HOXD9: variants seen among roughly 807,000 people sequenced by gnomAD.
HOXD9 encodes homeobox protein Hox-D9.
HOXD9 carries 21 observed loss-of-function variants against 24.6 expected under a neutral mutation model. That is an observed-to-expected ratio of 0.85 (90% CI 0.61 to 1.23). HOXD9 has a LOEUF of 1.23. Among genes scored for constraint, HOXD9 ranks in the 50% most tolerant of loss-of-function variants. The pLI is 0.00. For synonymous variants in HOXD9, 240 were observed against 226.4 expected (o/e 1.06, Z -0.54); for missense variants, 503 against 503.6 (o/e 1.00, Z 0.01).
chr2:176,124,049 C>T lies in HOXD9; in HGVS notation c.933C>T (p.Thr311=). ...EKEFLFNMYL[T]RDRRYEVARI... ...AATTCCTCTTCAACATGTACCTCAC[C>T]CGGGACCGGCGCTACGAGGTGGCCA... Residue 311 remains threonine (T), a synonymous_variant, in exon 2 of 2, where the codon ACC becomes ACT. Transcript: ENST00000249499. The T allele has an allele frequency of 1.2e-6, 2 of 1,614,144 alleles. No homozygotes were observed. Among genetic ancestry groups the T allele is most frequent in the East Asian group, 2.2e-5 (1 of 44,876 alleles).
Position 176,124,122 on chromosome 2 carries a change from C to A in HOXD9, c.1006C>A (p.Arg336Ser). The change falls in exon 2 of 2, where the codon CGT becomes AGT. Residue 336 changes from arginine to serine, a missense_variant. Coordinates refer to ENST00000249499, the MANE Select transcript of HOXD9 (RefSeq NM_014213.4). ...ACAGGTCAAAATCTGGTTTCAGAAC[C>A]GTAGGATGAAAATGAAAAAGATGAG... Reference protein sequence around the residue: ...ERQVKIWFQNRRMKMKKMSKE... With the variant: ...ERQVKIWFQNSRMKMKKMSKE... The A allele has an allele frequency of 6.2e-7, 1 of 1,613,820 alleles. No individual in the cohort carries two copies. The highest frequency in any genetic ancestry group is 2.2e-5 in the East Asian group (1 of 44,866).
chr2:176,124,291 T>C lies in HOXD9; in HGVS notation c.*116T>C. On this transcript the variant is annotated 3_prime_UTR_variant, in exon 2 of 2. Coordinates refer to ENST00000249499, the MANE Select transcript of HOXD9 (RefSeq NM_014213.4). Reference sequence around the variant, plus strand: ...AAACTCTCCAGCGACTTGGACTTCTTCTTCTTTTTTTTTTTCTTTTTAGAT... The same window carrying C: ...AAACTCTCCAGCGACTTGGACTTCTCCTTCTTTTTTTTTTTCTTTTTAGAT... The C allele has an allele frequency of 7.2e-7, 1 of 1,383,270 alleles. No individual in the cohort carries two copies. The highest frequency in any genetic ancestry group is 9.6e-7 in the Non-Finnish European group (1 of 1,044,950). 85.7% of individuals were successfully genotyped at this position (1,383,270 alleles called of 1,614,324 possible).
rs1468163650 is a variant in HOXD9, at chr2:176,124,370, C to G, written c.*195C>G. ...GTATTTGGGGGACTCTGTATTTGCTCGTTTACGTGTTGGAAAAACCAAGTG... is the reference window on the plus strand; with the variant it reads ...GTATTTGGGGGACTCTGTATTTGCTGGTTTACGTGTTGGAAAAACCAAGTG... On this transcript the variant is annotated 3_prime_UTR_variant, in exon 2 of 2. Coordinates refer to ENST00000249499, the MANE Select transcript of HOXD9 (RefSeq NM_014213.4). 1 of 747,834 alleles carries G rather than the reference C, an allele frequency of 1.3e-6. No homozygotes were observed. Among genetic ancestry groups the G allele is most frequent in the South Asian group, 3.1e-5 (1 of 31,826 alleles). 46.3% of individuals were successfully genotyped at this position (747,834 alleles called of 1,614,324 possible).
At position 176,123,377 on chromosome 2, in the gene HOXD9, C is replaced by A; in HGVS notation, c.609C>A (p.Ser203Arg). The change falls in exon 1 of 2, where the codon AGC (serine) becomes AGA (arginine). Residue 203 changes from serine to arginine, a missense_variant. Transcript: ENST00000249499. The surrounding 1 kb of genome is among the most constrained non-coding windows in gnomAD (Gnocchi z 4.2). ...CSVARESQGS[S>R]GPEFSCNSFL... ...TGGCCCGGGAGTCCCAGGGGAGCAG[C>A]GGCCCCGAGTTCTCGTGCAACTCGT... 1 of 1,551,924 alleles carries A rather than the reference C, an allele frequency of 6.4e-7. No homozygotes were observed. Among genetic ancestry groups the A allele is most frequent in the Non-Finnish European group, 8.7e-7 (1 of 1,147,818 alleles).
chr2:176,124,124 T>C lies in HOXD9; in HGVS notation c.1008T>C (p.Arg336=). Residue 336 remains arginine, a synonymous_variant, in exon 2 of 2, where the codon CGT becomes CGC. Coordinates refer to ENST00000249499, the MANE Select transcript of HOXD9 (RefSeq NM_014213.4). ...AGGTCAAAATCTGGTTTCAGAACCG[T>C]AGGATGAAAATGAAAAAGATGAGCA... ...ERQVKIWFQN[R]RMKMKKMSKE... 1 of 1,613,780 alleles carries C rather than the reference T, an allele frequency of 6.2e-7. No homozygotes were observed. Among genetic ancestry groups the C allele is most frequent in the Non-Finnish European group, 8.5e-7 (1 of 1,179,804 alleles).
rs1689916306 is a variant in HOXD9 at position 176,123,385 on chromosome 2, A to C, written c.617A>C (p.Glu206Ala). 2.6e-6 allele frequency: 4 copies of C among 1,553,048 alleles called. No homozygotes were observed. Among genetic ancestry groups the C allele is most frequent in the Admixed American group, 2.0e-5 (1 of 51,216 alleles). The change falls in exon 1 of 2, where the codon GAG (glutamate) becomes GCG (alanine). Residue 206 changes from glutamate to alanine, a missense_variant. Coordinates refer to ENST00000249499, the MANE Select transcript of HOXD9 (RefSeq NM_014213.4). The surrounding 1 kb of genome is among the most constrained non-coding windows in gnomAD (Gnocchi z 4.2). ...ARESQGSSGP[E>A]FSCNSFLQEK... The stretch of plus-strand genomic sequence containing the variant: ...GAGTCCCAGGGGAGCAGCGGCCCCG[A>C]GTTCTCGTGCAACTCGTTCCTGCAG...
rs376874077 is a variant in HOXD9, at chr2:176,123,982, G to C, written c.866G>C (p.Arg289Pro). Residue 289 changes from arginine to proline, a missense_variant, in exon 2 of 2, where the codon CGC becomes CCC. Transcript: ENST00000249499. This position sits in a 1 kb window ranked among gnomAD's most constrained non-coding sequence, Gnocchi z 4.2. ...CACGCTCGCTCCACCCGGAAAAAGC[G>C]CTGTCCCTACACCAAATACCAGACG... ...WIHARSTRKK[R>P]CPYTKYQTLE... 1.0e-4 allele frequency: 167 copies of C among 1,613,456 alleles called. No individual in the cohort carries two copies. Among genetic ancestry groups the C allele is most frequent in the South Asian group, 1.5e-4 (14 of 91,048 alleles).
rs751253380 is a variant in HOXD9 at position 176,124,150 on chromosome 2, A to T, written c.1034A>T (p.Lys345Met). Residue 345 changes from lysine to methionine, a missense_variant, in exon 2 of 2, where the codon AAG becomes ATG. Physicochemically the swap from Lys to Met is moderately conservative, Grantham distance 95. Coordinates refer to ENST00000249499, the MANE Select transcript of HOXD9 (RefSeq NM_014213.4). ...AGGATGAAAATGAAAAAGATGAGCA[A>T]GGAGAAATGCCCCAAAGGAGACTGA... Reference protein sequence around the residue: ...NRRMKMKKMSKEKCPKGD With the variant: ...NRRMKMKKMSMEKCPKGD The T allele has an allele frequency of 6.2e-7, 1 of 1,613,318 alleles. No homozygotes were observed. The highest frequency in any genetic ancestry group is 2.2e-5 in the East Asian group (1 of 44,856).
chr2:176,123,340 C>T lies in HOXD9; in HGVS notation c.572C>T (p.Thr191Ile), dbSNP rs1394971545. The T allele has an allele frequency of 6.4e-7, 1 of 1,550,688 alleles. No homozygotes were observed. The highest frequency in any genetic ancestry group is 8.7e-7 in the Non-Finnish European group (1 of 1,147,004). ...TCCTTATCCTCCTCCTCCAAACGGACTGAGTGCTCCGTGGCCCGGGAGTCC... is the reference window on the plus strand; with the variant it reads ...TCCTTATCCTCCTCCTCCAAACGGATTGAGTGCTCCGTGGCCCGGGAGTCC... ...STSLSSSSKR[T>I]ECSVARESQG... The change falls in exon 1 of 2, where the codon ACT becomes ATT. Residue 191 changes from threonine to isoleucine, a missense_variant. Thr to Ile is a moderately conservative substitution (Grantham distance 89). Coordinates refer to ENST00000249499, the MANE Select transcript of HOXD9 (RefSeq NM_014213.4). The surrounding 1 kb of genome is among the most constrained non-coding windows in gnomAD (Gnocchi z 4.2).
In HOXD9 at chr2:176,122,756, G is replaced by T; in HGVS notation, c.-13G>T. The T allele has an allele frequency of 6.8e-7, 1 of 1,468,696 alleles. No homozygotes were observed. 91.0% of individuals were successfully genotyped at this position (1,468,696 alleles called of 1,614,324 possible). A position where few individuals can be genotyped will look rare whatever the true frequency, so the allele number is the denominator to read the frequency against. ...GGGCGCCGGCGGGGAGCTGCTCGGC[G>T]GCGGACAGTGTAATGTTGGGTGGGA... On this transcript the variant is annotated 5_prime_UTR_variant, in exon 1 of 2. Transcript: ENST00000249499.
Position 176,122,872 on chromosome 2 carries a change from C to T in HOXD9, c.104C>T (p.Ala35Val). ...GGCCATGAGGGCGACGAGGTGTTCG[C>T]GGCGCGCTTCGGGCCGCCGGGGCCA... is the stretch of plus-strand genomic sequence containing the variant. Reference protein sequence around the residue: ...LIGHEGDEVFAARFGPPGPGA... With the variant: ...LIGHEGDEVFVARFGPPGPGA... Residue 35 changes from alanine to valine, a missense_variant, in exon 1 of 2, where the codon GCG (alanine) becomes GTG (valine). Transcript: ENST00000249499. 6.3e-7 allele frequency: 1 copy of T among 1,594,786 alleles called. No individual in the cohort carries two copies. The highest frequency in any genetic ancestry group is 8.5e-7 in the Non-Finnish European group (1 of 1,172,158).
In HOXD9 at chr2:176,122,749, G is replaced by A. The variant is rs1689895520; in HGVS notation, c.-20G>A. ...GTGGCTCGGGCGCCGGCGGGGAGCT[G>A]CTCGGCGGCGGACAGTGTAATGTTG... On this transcript the variant is annotated 5_prime_UTR_variant, in exon 1 of 2. Coordinates refer to ENST00000249499, the MANE Select transcript of HOXD9 (RefSeq NM_014213.4). 7.5e-6 allele frequency: 11 copies of A among 1,461,210 alleles called. No homozygotes were observed. The highest frequency in any genetic ancestry group is 2.7e-5 in the East Asian group (1 of 37,520). 90.5% of individuals were successfully genotyped at this position (1,461,210 alleles called of 1,614,324 possible). A position where few individuals can be genotyped will look rare whatever the true frequency, so the allele number is the denominator to read the frequency against.
In HOXD9 at chr2:176,124,028, C is replaced by A; in HGVS notation, c.912C>A (p.Phe304Leu). 2 of 1,614,164 alleles carry A rather than the reference C, an allele frequency of 1.2e-6. 1 individual carries two copies. The highest frequency in any genetic ancestry group is 2.2e-5 in the South Asian group (2 of 91,072). ...KYQTLELEKE[F>L]LFNMYLTRDR... is the part of the protein sequence containing the mutation. ...AGACGCTTGAGCTGGAGAAAGAATT[C>A]CTCTTCAACATGTACCTCACCCGGG... The change falls in exon 2 of 2, where the codon TTC becomes TTA. Residue 304 changes from phenylalanine to leucine, a missense_variant. Coordinates refer to ENST00000249499, the MANE Select transcript of HOXD9 (RefSeq NM_014213.4).
Position 176,123,438 on chromosome 2 carries a change from A to G in HOXD9, c.670A>G (p.Thr224Ala), listed in dbSNP as rs775423048. 7.0e-6 allele frequency: 11 copies of G among 1,565,300 alleles called. No homozygotes were observed. The South Asian group carries it at 9.4e-5, about 13-fold the overall frequency. ...QEKAAAATGGTGPGAGIGAAT... is the reference protein window; with the variant it reads ...QEKAAAATGGAGPGAGIGAAT... Reference sequence around the variant, plus strand: ...GAAGGCGGCAGCGGCGACGGGGGGAACCGGGCCTGGGGCAGGGATCGGGGC... The same window carrying G: ...GAAGGCGGCAGCGGCGACGGGGGGAGCCGGGCCTGGGGCAGGGATCGGGGC... Residue 224 changes from threonine to alanine, a missense_variant, in exon 1 of 2, where the codon ACC (threonine) becomes GCC (alanine). Physicochemically the swap from Thr to Ala is moderately conservative, Grantham distance 58 (BLOSUM62 0). Coordinates refer to ENST00000249499, the MANE Select transcript of HOXD9 (RefSeq NM_014213.4). This position sits in a 1 kb window ranked among gnomAD's most constrained non-coding sequence, Gnocchi z 4.2.
chr2:176,124,330 T>A lies in HOXD9; in HGVS notation c.*155T>A. 1 of 1,206,290 alleles carries A rather than the reference T, an allele frequency of 8.3e-7. No homozygotes were observed. The highest frequency in any genetic ancestry group is 1.1e-6 in the Non-Finnish European group (1 of 898,054). 74.7% of individuals were successfully genotyped at this position (1,206,290 alleles called of 1,614,324 possible). A position where few individuals can be genotyped will look rare whatever the true frequency, so the allele number is the denominator to read the frequency against. ...TTCTTTTTAGATAGAAGTGACTGTG[T>A]GGTTGGTCTCTGAGGTATTTGGGGG... On this transcript the variant is annotated 3_prime_UTR_variant, in exon 2 of 2. Transcript: ENST00000249499.
Position 176,123,391 on chromosome 2 carries a change from C to T in HOXD9, c.623C>T (p.Ser208Leu). 3 of 1,554,016 alleles carry T rather than the reference C, an allele frequency of 1.9e-6. No homozygotes were observed. Among genetic ancestry groups the T allele is most frequent in the Non-Finnish European group, 2.6e-6 (3 of 1,149,090 alleles). ...CAGGGGAGCAGCGGCCCCGAGTTCTCGTGCAACTCGTTCCTGCAGGAGAAG... is the reference window on the plus strand; with the variant it reads ...CAGGGGAGCAGCGGCCCCGAGTTCTTGTGCAACTCGTTCCTGCAGGAGAAG... ...ESQGSSGPEFSCNSFLQEKAA... is the reference protein window; with the variant it reads ...ESQGSSGPEFLCNSFLQEKAA... The change falls in exon 1 of 2, where the codon TCG becomes TTG. Residue 208 changes from serine to leucine, a missense_variant. Transcript: ENST00000249499. The surrounding 1 kb of genome is among the most constrained non-coding windows in gnomAD (Gnocchi z 4.2).
At position 176,122,780 on chromosome 2, in the gene HOXD9, G is replaced by C. The variant is rs908146630; in HGVS notation, c.12G>C (p.Gly4=). The change falls in exon 1 of 2, where the codon GGG becomes GGC. Residue 4 remains glycine (G), a synonymous_variant. Coordinates refer to ENST00000249499, the MANE Select transcript of HOXD9 (RefSeq NM_014213.4). ...CGGCGGACAGTGTAATGTTGGGTGG[G>C]AGTGCGGGACGCCTCAAAATGTCTT... MLG[G]SAGRLKMSSS... 2.0e-6 allele frequency: 3 copies of C among 1,517,816 alleles called. No individual in the cohort carries two copies. Among genetic ancestry groups the C allele is most frequent in the African/African-American group, 1.4e-5 (1 of 68,998 alleles). 94.0% of individuals were successfully genotyped at this position (1,517,816 alleles called of 1,614,324 possible).
In HOXD9 at chr2:176,123,412, A is replaced by G; in HGVS notation, c.644A>G (p.Glu215Gly). The G allele has an allele frequency of 6.4e-7, 1 of 1,556,648 alleles. No homozygotes were observed. The highest frequency in any genetic ancestry group is 8.7e-7 in the Non-Finnish European group (1 of 1,150,662). ...PEFSCNSFLQ[E>G]KAAAATGGTG... ...TTCTCGTGCAACTCGTTCCTGCAGG[A>G]GAAGGCGGCAGCGGCGACGGGGGGA... The change falls in exon 1 of 2, where the codon GAG (glutamate) becomes GGG (glycine). Residue 215 changes from glutamate (E) to glycine (G), a missense_variant. By Grantham distance (98) the Glu-to-Gly change is moderately conservative (BLOSUM62 -2). Coordinates refer to ENST00000249499, the MANE Select transcript of HOXD9 (RefSeq NM_014213.4). This position sits in a 1 kb window ranked among gnomAD's most constrained non-coding sequence, Gnocchi z 4.2.
chr2:176,123,264 G>GCGGCCC lies in HOXD9; in HGVS notation c.504_509dup (p.Pro170_Ala171dup), dbSNP rs1191252494. The GCGGCCC allele has an allele frequency of 5.9e-6, 9 of 1,521,408 alleles. No individual in the cohort carries two copies. The highest frequency in any genetic ancestry group is 7.1e-6 in the Non-Finnish European group (8 of 1,130,966). The allele number at this position is 1,521,408 out of a possible 1,614,324, so 94.2% of individuals were successfully genotyped here. The stretch of plus-strand genomic sequence containing the variant: ...CTACGGGATTAAGCCTGAAACCCGA[G>GCGGCCC]CGGCCCCGGCCCCCGCCACGGCCGC... On this transcript the variant is annotated inframe_insertion, in exon 1 of 2. Coordinates refer to ENST00000249499, the MANE Select transcript of HOXD9 (RefSeq NM_014213.4). The surrounding 1 kb of genome is among the most constrained non-coding windows in gnomAD (Gnocchi z 4.2).
Sources: allele counts gnomAD v4.1 joint callset, GRCh38; gene constraint gnomAD v4.1.1; non-coding constraint Gnocchi (gnomAD v3.1); transcripts MANE v1.5; gene names NCBI Gene and HGNC (gene_info 2026-07-23, HGNC 2026-07-21).